The following ARHGAP10 variants were observed in gnomAD, a reference collection of about 807,000 sequenced individuals.
ARHGAP10 encodes the protein rho GTPase-activating protein 10.
Under a neutral mutation model 108.6 loss-of-function variants are expected in ARHGAP10, and 87 were observed. The observed-to-expected ratio is 0.80, with a 90% CI of 0.67 to 0.96. The LOEUF (loss-of-function observed/expected upper bound fraction) is 0.96. ARHGAP10 is among the 40% of genes least tolerant of loss of function. The probability of loss-of-function intolerance (pLI) is 0.00; values close to 1 mark genes in which losing one functional copy is unlikely to be tolerated. For missense variants in ARHGAP10, 939 were observed against 954.5 expected, an observed-to-expected ratio of 0.98 and a Z score of 0.21; for synonymous variants, 347 against 341.1, an observed-to-expected ratio of 1.02 and a Z score of -0.19.
chr4:147,971,732 G>A (rs1229137564), intron 18 of ARHGAP10, among the ~76,000 whole-genome samples: 8 of 152,136 alleles, frequency 5.3e-5, no homozygotes, highest in South Asian at 2.1e-4. Context: ...TGAGAATGCC[G>A]CTTTAGGACT....
chr4:147,854,581 T>A, intron 4 of ARHGAP10: 1 of 417,066 alleles, frequency 2.4e-6, no homozygotes, highest in Non-Finnish European at 3.2e-6. Flanking sequence ...CATTTATATA[T>A]TTTTTTCTGT....
intron 1 of ARHGAP10, among the ~76,000 whole-genome samples, chr4:147,789,706 G>C (rs1187919964): frequency 6.6e-6 from 1 of 152,240 alleles, no homozygotes; most frequent in Non-Finnish European, 1.5e-5. Flanking sequence ...AGACTAACTG[G>C]CCTGCCCAGT....
At chr4:148,002,763 T>C (rs28754881) in intron 18 of ARHGAP10, among the ~76,000 whole-genome samples, 21,560 of 152,076 alleles carry the variant, frequency 0.14, 2,438 homozygotes, top group African/African-American at 0.31. Flanking sequence ...GGTGATATCC[T>C]CTTTATCATT....
chr4:147,845,011 C>T (rs548121912), intron 3 of ARHGAP10, among the ~76,000 whole-genome samples: 1 of 152,334 alleles, frequency 6.6e-6, no homozygotes, highest in Admixed American at 6.5e-5. Context: ...TGCCATCACT[C>T]AGCATTACAG....
chr4:147,812,266 G>A (rs1419611088), intron 1 of ARHGAP10, among the ~76,000 whole-genome samples: 1 of 152,128 alleles, frequency 6.6e-6, no homozygotes, highest in Admixed American at 6.6e-5. Flanking sequence ...TTGAAAAATG[G>A]GGTACTTGGT....
intron 13 of ARHGAP10, among the ~76,000 whole-genome samples, chr4:147,939,085 T>A (rs902345208): frequency 1.3e-5 from 2 of 152,252 alleles, no homozygotes; most frequent in Non-Finnish European, 2.9e-5. Flanking sequence ...CCCTTAATGC[T>A]ACTCAGTTTG....
At chr4:147,933,633 C>A (rs1212359843) in intron 13 of ARHGAP10, among the ~76,000 whole-genome samples, 1 of 152,184 alleles carries the variant, frequency 6.6e-6, no homozygotes, top group African/African-American at 2.4e-5. Flanking sequence ...CTTTCTGCCC[C>A]AGATGGACCT....
At chr4:147,812,023 C>T (rs949476224) in intron 1 of ARHGAP10, among the ~76,000 whole-genome samples, 1 of 152,104 alleles carries the variant, frequency 6.6e-6, no homozygotes, top group East Asian at 1.9e-4. Flanking sequence ...AGGCCCTAAA[C>T]CCCTCAGGTG....
In ARHGAP10 at chr4:147,955,387, T is replaced by G; in HGVS notation, c.1450+13T>G. The stretch of plus-strand genomic sequence containing the variant: ...ATTGTTCCAGCCAGTAAGTATTATG[T>G]AAAGGTATATAGGAACAGTTTTGTA... On this transcript the variant is annotated intron_variant, in intron 16 of 22. Coordinates refer to ENST00000336498, the MANE Select transcript of ARHGAP10 (RefSeq NM_024605.4). 6.2e-7 allele frequency: 1 copy of G among 1,604,992 alleles called. No homozygotes were observed. Among genetic ancestry groups the G allele is most frequent in the Non-Finnish European group, 8.5e-7 (1 of 1,172,928 alleles).
intron 3 of ARHGAP10, among the ~76,000 whole-genome samples, chr4:147,844,986 C>T (rs1476751898): frequency 2.0e-5 from 3 of 152,232 alleles, no homozygotes; most frequent in African/African-American, 7.2e-5. Context: ...CAAGGCCCGG[C>T]ACGCTCTGAT....
At chr4:148,070,769 GT>G (rs1310643100) in intron 22 of ARHGAP10, among the ~76,000 whole-genome samples, 1 of 152,168 alleles carries the variant, frequency 6.6e-6, no homozygotes, top group Non-Finnish European at 1.5e-5. Context: ...CACCTTTCGA[GT>G]TGGTCCGCTG....
intron 18 of ARHGAP10, among the ~76,000 whole-genome samples, chr4:147,991,228 G>A (rs1004101699): frequency 3.3e-5 from 5 of 151,842 alleles, no homozygotes; most frequent in African/African-American, 7.3e-5. Context: ...GTATGTTAGC[G>A]GTCCTTAGGG....
At chr4:147,819,159 A>G (rs1349755258) in intron 1 of ARHGAP10, among the ~76,000 whole-genome samples, 1 of 152,248 alleles carries the variant, frequency 6.6e-6, no homozygotes, top group Admixed American at 6.5e-5. Context: ...TTTCAGTTTT[A>G]ACTTTCCAGA....
intron 7 of ARHGAP10, among the ~76,000 whole-genome samples, chr4:147,873,722 A>ACACACACACACACACACACACT (rs775092505): frequency 9.7e-5 from 14 of 144,446 alleles, no homozygotes; most frequent in Non-Finnish European, 1.8e-4. Flanking sequence ...ACACACACAC[A>ACACACACACACACACACACACT]CTCTTGGCCT....
At chr4:147,752,820 C>T (rs1416092698) in intron 1 of ARHGAP10, among the ~76,000 whole-genome samples, 1 of 152,248 alleles carries the variant, frequency 6.6e-6, no homozygotes, top group African/African-American at 2.4e-5. Flanking sequence ...AGCTGCCGCA[C>T]CTGGCCTGCT....
At chr4:147,778,773 C>T (rs896116271) in intron 1 of ARHGAP10, among the ~76,000 whole-genome samples, 1 of 152,120 alleles carries the variant, frequency 6.6e-6, no homozygotes, top group African/African-American at 2.4e-5. Context: ...CAGTGTTATC[C>T]TCTTGCTCCA....
intron 19 of ARHGAP10, among the ~76,000 whole-genome samples, chr4:148,031,972 G>A (rs749662953): frequency 2.0e-4 from 31 of 152,156 alleles, no homozygotes; most frequent in Non-Finnish European, 3.8e-4. Flanking sequence ...TGGATTGGTT[G>A]TAGTGAGGAT....
chr4:147,885,850 C>T (rs1357235772), intron 10 of ARHGAP10, among the ~76,000 whole-genome samples: 1 of 152,102 alleles, frequency 6.6e-6, no homozygotes, highest in Non-Finnish European at 1.5e-5. Flanking sequence ...ATGTAGTTTC[C>T]TTACCCTTTT....
At chr4:147,759,291 G>T (rs566454956) in intron 1 of ARHGAP10, among the ~76,000 whole-genome samples, 9 of 152,300 alleles carry the variant, frequency 5.9e-5, no homozygotes, top group Admixed American at 5.2e-4. Context: ...AGGCTCAGAG[G>T]TGAAATAACT....
Sources: allele counts gnomAD v4.1 joint callset (sites outside exome capture counted in the v4.1 genomes callset), GRCh38; gene constraint gnomAD v4.1.1; transcripts MANE v1.5; gene names NCBI Gene and HGNC (gene_info 2026-07-23, HGNC 2026-07-21).